The following ZNF888 variants were observed in gnomAD, a reference collection of about 807,000 sequenced individuals.
The protein encoded by ZNF888 is zinc finger protein 888.
ZNF888 carries 5 observed loss-of-function variants against 7.2 expected under a neutral mutation model. The ratio of observed to expected loss-of-function variants is 0.70; its 90% CI spans 0.36 to 1.46. The LOEUF (loss-of-function observed/expected upper bound fraction) is 1.46. ZNF888 is among the 40% of genes most tolerant of loss of function. ZNF888 has a pLI of 0.03. For synonymous variants in ZNF888, 240 were observed against 284.3 expected (o/e 0.84, Z 1.57); for missense variants, 716 against 858.0 (o/e 0.83, Z 2.07).
intron 3 of ZNF888, chr19:52,917,149 T>C (rs1240925426): frequency 6.6e-6 from 1 of 151,632 alleles, no homozygotes; most frequent in Non-Finnish European, 1.5e-5. Flanking sequence ...AACATAATGA[T>C]GGAATCATTC....
At position 52,906,905 on chromosome 19, in the gene ZNF888, T is replaced by C; in HGVS notation, c.1417A>G (p.Lys473Glu). The C allele has an allele frequency of 6.2e-7, 1 of 1,613,276 alleles. No homozygotes were observed. The highest frequency in any genetic ancestry group is 8.5e-7 in the Non-Finnish European group (1 of 1,179,830). ...AGGTGTGATTTGCGACTGAAAACTT[T>C]GTCACATTCTTTACATTTGTAAGGT... ...EKPYKCKECD[K>E]VFSRKSHLER... The change falls in exon 5 of 5, where the codon AAA becomes GAA. Residue 473 changes from lysine (K) to glutamate (E), a missense_variant. By Grantham distance (56) the Lys-to-Glu change is moderately conservative. Around this residue, in one of 2 missense-constraint regions of ZNF888, gnomAD observed 697 missense variants for 803.4 expected, o/e 0.87. Coordinates refer to ENST00000638862, the MANE Select transcript of ZNF888 (RefSeq NM_001393938.1).
At position 52,906,911 on chromosome 19, in the gene ZNF888, A is replaced by G. The variant is rs1412283720; in HGVS notation, c.1411T>C (p.Cys471Arg). The G allele has an allele frequency of 1.2e-6, 2 of 1,612,748 alleles. No homozygotes were observed. The highest frequency in any genetic ancestry group is 1.7e-5 in the Admixed American group (1 of 59,864). The change falls in exon 5 of 5, where the codon TGT (cysteine) becomes CGT (arginine). Residue 471 changes from cysteine (C) to arginine (R), a missense_variant. Around this residue, in one of 2 missense-constraint regions of ZNF888, gnomAD observed 697 missense variants for 803.4 expected, o/e 0.87. Coordinates refer to ENST00000638862, the MANE Select transcript of ZNF888 (RefSeq NM_001393938.1). Reference sequence around the variant, plus strand: ...GATTTGCGACTGAAAACTTTGTCACATTCTTTACATTTGTAAGGTTTCTCT... The same window carrying G: ...GATTTGCGACTGAAAACTTTGTCACGTTCTTTACATTTGTAAGGTTTCTCT... ...TGEKPYKCKECDKVFSRKSHL... is the reference protein window; with the variant it reads ...TGEKPYKCKERDKVFSRKSHL...
At position 52,906,487 on chromosome 19, in the gene ZNF888, T is replaced by C. The variant is rs975889134; in HGVS notation, c.1835A>G (p.Asp612Gly). ...GEKPYKCEECDKVFNIKSHLE... is the reference protein window; with the variant it reads ...GEKPYKCEECGKVFNIKSHLE... ...GTGTGATTTGATATTGAAAACTTTG[T>C]CACATTCTTCACATTTGTAAGGTTT... Residue 612 changes from aspartate (D) to glycine (G), a missense_variant, in exon 5 of 5, where the codon GAC (aspartate) becomes GGC (glycine). By Grantham distance (94) the Asp-to-Gly change is moderately conservative (BLOSUM62 -1). Transcript: ENST00000638862. 6.2e-6 allele frequency: 10 copies of C among 1,613,302 alleles called. No individual in the cohort carries two copies. The Admixed American group carries it at 1.5e-4, about 24-fold the overall frequency.
intron 1 of ZNF888, among the ~76,000 whole-genome samples, chr19:52,920,489 CAAAAAAAAAAAAAAAAA>C (rs1191621530): frequency 2.9e-4 from 2 of 6,868 alleles, no homozygotes; most frequent in East Asian, 0.015. Flanking sequence ...TGCTTGAAGG[CAAAAAAAAAAAAAAAAA>C]AAAAAAAAAA....
Position 52,906,280 on chromosome 19 carries a change from G to C in ZNF888, c.2042C>G (p.Thr681Ser). The C allele has an allele frequency of 6.2e-7, 1 of 1,612,086 alleles. No individual in the cohort carries two copies. Among genetic ancestry groups the C allele is most frequent in the Non-Finnish European group, 8.5e-7 (1 of 1,179,048 alleles). Residue 681 changes from threonine (T) to serine (S), a missense_variant, in exon 5 of 5, where the codon ACT becomes AGT. Physicochemically the swap from Thr to Ser is moderately conservative, Grantham distance 58. This residue lies in a region of ZNF888 where 697 missense variants were observed against 803.4 expected (regional missense o/e 0.87). Transcript: ENST00000638862. Reference protein sequence around the residue: ...FKCYSHLAQHTRIHTGEKPFK... With the variant: ...FKCYSHLAQHSRIHTGEKPFK... ...AGGTTTCTCTCCAGTATGAATTCTA[G>C]TATGTTGTGCCAGGTGTGAGTAACA...
Position 52,906,508 on chromosome 19 carries a change from G to A in ZNF888, c.1814C>T (p.Pro605Leu). ...CHHRLHTGEK[P>L]YKCEECDKVF... ...TTTGTCACATTCTTCACATTTGTAA[G>A]GTTTCTCTCCAGTATGAAGTCTATG... Residue 605 changes from proline to leucine, a missense_variant, in exon 5 of 5, where the codon CCT (proline) becomes CTT (leucine). Physicochemically the swap from Pro to Leu is moderately conservative, Grantham distance 98. Around this residue, in one of 2 missense-constraint regions of ZNF888, gnomAD observed 697 missense variants for 803.4 expected, o/e 0.87. Coordinates refer to ENST00000638862, the MANE Select transcript of ZNF888 (RefSeq NM_001393938.1). The A allele has an allele frequency of 2.5e-6, 4 of 1,613,710 alleles. No homozygotes were observed. Among genetic ancestry groups the A allele is most frequent in the Non-Finnish European group, 3.4e-6 (4 of 1,179,804 alleles).
intron 2 of ZNF888, chr19:52,918,390 T>C: frequency 5.7e-6 from 1 of 174,290 alleles, no homozygotes; most frequent in Non-Finnish European, 1.1e-5. Context: ...CCCCAGCTAC[T>C]TAGGAAGCTG....
At position 52,913,099 on chromosome 19, in the gene ZNF888, T is replaced by C. The variant is rs192125942; in HGVS notation, c.142+2097A>G. Among the ~76,000 whole-genome samples, 531 of 152,144 alleles carry C rather than the reference T, an allele frequency of 3.5e-3. 4 individuals are homozygous for C. Among genetic ancestry groups the C allele is most frequent in the African/African-American group, 0.012 (507 of 41,522 alleles). The stretch of plus-strand genomic sequence containing the variant: ...TTCAGCCTAAGTGATGAGAGCAAAA[T>C]TATGTCTCATAAACACATAAATTAA... On this transcript the variant is annotated intron_variant, in intron 4 of 4. Transcript: ENST00000638862.
chr19:52,906,740 C>T lies in ZNF888; in HGVS notation c.1582G>A (p.Gly528Ser). ...GEKPYKCNEC[G>S]KTFVQNSSLV... ...GATGAATTTTGAACGAAGGTCTTGC[C>T]ACACTCATTACACTTGTAAGGTTTC... The change falls in exon 5 of 5, where the codon GGC becomes AGC. Residue 528 changes from glycine to serine, a missense_variant. Physicochemically the swap from Gly to Ser is moderately conservative, Grantham distance 56. Transcript: ENST00000638862. 6.2e-6 allele frequency: 10 copies of T among 1,608,754 alleles called. No individual in the cohort carries two copies. The highest frequency in any genetic ancestry group is 7.7e-6 in the Non-Finnish European group (9 of 1,176,274).
In ZNF888 at chr19:52,906,923, T is replaced by G. The variant is rs370216487; in HGVS notation, c.1399A>C (p.Lys467Gln). 14 of 1,611,586 alleles carry G rather than the reference T, an allele frequency of 8.7e-6. No individual in the cohort carries two copies. The highest frequency in any genetic ancestry group is 5.0e-5 in the Admixed American group (3 of 59,764). The change falls in exon 5 of 5, where the codon AAA (lysine) becomes CAA (glutamine). Residue 467 changes from lysine (K) to glutamine (Q), a missense_variant. Lys to Gln is a moderately conservative substitution (Grantham distance 53). Transcript: ENST00000638862. ...HRLHTGEKPY[K>Q]CKECDKVFSR... ...AAAACTTTGTCACATTCTTTACATT[T>G]GTAAGGTTTCTCTCCAGTATGAAGT...
At position 52,906,748 on chromosome 19, in the gene ZNF888, T is replaced by G; in HGVS notation, c.1574A>C (p.Asn525Thr). The G allele has an allele frequency of 6.2e-7, 1 of 1,613,224 alleles. No individual in the cohort carries two copies. Among genetic ancestry groups the G allele is most frequent in the Non-Finnish European group, 8.5e-7 (1 of 1,179,362 alleles). The change falls in exon 5 of 5, where the codon AAT becomes ACT. Residue 525 changes from asparagine to threonine, a missense_variant. Around this residue, in one of 2 missense-constraint regions of ZNF888, gnomAD observed 697 missense variants for 803.4 expected, o/e 0.87. Coordinates refer to ENST00000638862, the MANE Select transcript of ZNF888 (RefSeq NM_001393938.1). ...IHTGEKPYKCNECGKTFVQNS... is the reference protein window; with the variant it reads ...IHTGEKPYKCTECGKTFVQNS... ...TTGAACGAAGGTCTTGCCACACTCATTACACTTGTAAGGTTTCTCTCCAGT... is the reference window on the plus strand; with the variant it reads ...TTGAACGAAGGTCTTGCCACACTCAGTACACTTGTAAGGTTTCTCTCCAGT...
At position 52,907,416 on chromosome 19, in the gene ZNF888, C is replaced by T. The variant is rs2064623650; in HGVS notation, c.906G>A (p.Glu302=). The T allele has an allele frequency of 6.2e-7, 1 of 1,611,930 alleles. No homozygotes were observed. Among genetic ancestry groups the T allele is most frequent in the African/African-American group, 1.3e-5 (1 of 74,940 alleles). Residue 302 remains glutamate, a synonymous_variant, in exon 5 of 5, where the codon GAG becomes GAA. Transcript: ENST00000638862. ...ACTTGTCACTGAACGTCTTGCCACA[C>T]TCATTACACTTGTAAGGTTTTTCTC... ...HTGEKPYKCN[E]CGKTFSDKSA...
At chr19:52,918,132 T>C in intron 2 of ZNF888, 1 of 1,382,586 alleles carries the variant, frequency 7.2e-7, no homozygotes, top group Non-Finnish European at 9.4e-7. Flanking sequence ...ACACACACGC[T>C]GCAGCAGTAG....
chr19:52,908,882 C>A (rs1438647285), intron 4 of ZNF888, among the ~76,000 whole-genome samples: 2 of 148,616 alleles, frequency 1.3e-5, no homozygotes, highest in African/African-American at 4.9e-5. Flanking sequence ...CTTGGTGGCC[C>A]ACACCAGTAA....
chr19:52,914,628 G>A (rs1170321464), intron 4 of ZNF888, among the ~76,000 whole-genome samples: 1 of 152,188 alleles, frequency 6.6e-6, no homozygotes, highest in African/African-American at 2.4e-5. Flanking sequence ...CACAGGAGAA[G>A]CAAACAGGGA....
rs535257674 is a variant in ZNF888, at chr19:52,911,288, G to T, written c.143-3109C>A. 4.0e-5 allele frequency among the ~76,000 whole-genome samples: 6 copies of T among 151,898 alleles called. 1 individual carries two copies. The South Asian group carries it at 1.3e-3, about 32-fold the overall frequency. On this transcript the variant is annotated intron_variant, in intron 4 of 4. Coordinates refer to ENST00000638862, the MANE Select transcript of ZNF888 (RefSeq NM_001393938.1). ...TTGGTCTCCGAAAGTGCTGGGATTA[G>T]AGGAGTGAGCCACCACAGCCAGCAG...
Position 52,906,581 on chromosome 19 carries a change from T to C in ZNF888, c.1741A>G (p.Asn581Asp). The C allele has an allele frequency of 8.7e-6, 14 of 1,613,868 alleles. No individual in the cohort carries two copies. The highest frequency in any genetic ancestry group is 1.1e-5 in the Non-Finnish European group (13 of 1,179,832). Residue 581 changes from asparagine to aspartate, a missense_variant, in exon 5 of 5, where the codon AAT becomes GAT. Coordinates refer to ENST00000638862, the MANE Select transcript of ZNF888 (RefSeq NM_001393938.1). ...GTCCTAAAAACCTTGCCACATTCAT[T>C]ACACTTGTAAGGTTTCTCTCCAGTA... ...LHTGEKPYKC[N>D]ECGKVFRTQS... is the part of the protein sequence containing the mutation.
chr19:52,912,521 T>C (rs1437644008), intron 4 of ZNF888, among the ~76,000 whole-genome samples: 1 of 142,260 alleles, frequency 7.0e-6, no homozygotes, highest in African/African-American at 2.6e-5. Context: ...GTCAGGAGAT[T>C]GAGACAGTCC....
chr19:52,912,577 A>AAAT, intron 4 of ZNF888, among the ~76,000 whole-genome samples: 1 of 151,092 alleles, frequency 6.6e-6, no homozygotes, highest in East Asian at 2.0e-4. Flanking sequence ...AAAAAAAAAA[A>AAAT]AAATTAGCCC....
Sources: allele counts gnomAD v4.1 joint callset (sites outside exome capture counted in the v4.1 genomes callset), GRCh38; gene constraint gnomAD v4.1.1; regional missense constraint gnomAD v4.1.1; transcripts MANE v1.5; gene names NCBI Gene and HGNC (gene_info 2026-07-23, HGNC 2026-07-21).